CRIPT: variants seen among roughly 807,000 people sequenced by gnomAD.
CRIPT encodes cysteine-rich PDZ-binding protein.
A neutral mutation model predicts 16.6 loss-of-function variants in CRIPT; 20 were observed. The observed-to-expected ratio is 1.20, with a 90% CI of 0.85 to 1.75. The LOEUF (loss-of-function observed/expected upper bound fraction) is 1.75. Among genes scored for constraint, CRIPT ranks in the 40% most tolerant of loss-of-function variants. The pLI is 0.00. For synonymous variants in CRIPT, 42 were observed against 37.0 expected, an observed-to-expected ratio of 1.14 and a Z score of -0.49; for missense variants, 133 against 115.3, an observed-to-expected ratio of 1.15 and a Z score of -0.70.
At chr2:46,621,116 C>T (rs1046819698) in intron 3 of CRIPT, among the ~76,000 whole-genome samples, 4 of 152,172 alleles carry the variant, frequency 2.6e-5, no homozygotes, top group Non-Finnish European at 5.9e-5. Context: ...TCTAGTTTCC[C>T]GCAGTTGTCT....
intron 3 of CRIPT, among the ~76,000 whole-genome samples, chr2:46,620,321 C>T (rs780961740): frequency 7.9e-5 from 12 of 152,088 alleles, no homozygotes; most frequent in Admixed American, 4.6e-4. Context: ...GCAGCACGCG[C>T]CTGTAGTCCC....
At chr2:46,622,502 A>G (rs1670836216) in intron 3 of CRIPT, among the ~76,000 whole-genome samples, 3 of 152,116 alleles carry the variant, frequency 2.0e-5, no homozygotes, top group Non-Finnish European at 2.9e-5. Flanking sequence ...AAGAGTACCT[A>G]TCTTTTGTGG....
intron 1 of CRIPT, among the ~76,000 whole-genome samples, 166 bp downstream of exon 1, chr2:46,617,464 A>T (rs1670691350): frequency 6.6e-6 from 1 of 152,062 alleles, no homozygotes; most frequent in Non-Finnish European, 1.5e-5. Flanking sequence ...CCCAACGACC[A>T]TACAGTCCTA....
intron 3 of CRIPT, among the ~76,000 whole-genome samples, chr2:46,621,831 T>C (rs1318141213): frequency 6.6e-6 from 1 of 152,206 alleles, no homozygotes; most frequent in African/African-American, 2.4e-5. Context: ...TTGACTGACT[T>C]ATTGAGGTCT....
At chr2:46,617,822 A>G (rs1162462772) in intron 1 of CRIPT, among the ~76,000 whole-genome samples, 1 of 152,088 alleles carries the variant, frequency 6.6e-6, no homozygotes, top group Non-Finnish European at 1.5e-5. Context: ...CCTTTAATAA[A>G]TTCTCAGTGT....
chr2:46,621,438 T>C (rs1203968135), intron 3 of CRIPT, among the ~76,000 whole-genome samples: 1 of 152,162 alleles, frequency 6.6e-6, no homozygotes, highest in African/African-American at 2.4e-5. Flanking sequence ...TTCAGAGAAG[T>C]TTCCCTAATC....
chr2:46,623,203 C>T (rs1457274290), intron 3 of CRIPT, among the ~76,000 whole-genome samples: 1 of 152,070 alleles, frequency 6.6e-6, no homozygotes, highest in Non-Finnish European at 1.5e-5. Context: ...TGAAACAAAG[C>T]CTTTTGAGCA....
intron 4 of CRIPT, 35 bp from the exon 5 acceptor site, chr2:46,624,128 T>C: frequency 2.0e-6 from 3 of 1,478,610 alleles, no homozygotes; most frequent in Non-Finnish European, 2.7e-6. Flanking sequence ...GTTGGTATTA[T>C]GATTTGATTG....
rs1392148654 is a variant in CRIPT, at chr2:46,624,233, T to C, written c.*6T>C. On this transcript the variant is annotated 3_prime_UTR_variant, in exon 5 of 5. Coordinates refer to ENST00000238892, the MANE Select transcript of CRIPT (RefSeq NM_014171.6). Reference sequence around the variant, plus strand: ...ACAAGCAAACATCTGTCTAGATGTATTGATGGAATTTCTGGCTTTCTAAAT... The same window carrying C: ...ACAAGCAAACATCTGTCTAGATGTACTGATGGAATTTCTGGCTTTCTAAAT... 3.9e-6 allele frequency: 6 copies of C among 1,537,250 alleles called. No homozygotes were observed. The highest frequency in any genetic ancestry group is 1.4e-5 in the African/African-American group (1 of 72,932).
intron 4 of CRIPT, 141 bp from the exon 5 acceptor site, chr2:46,624,022 A>T: frequency 2.3e-6 from 1 of 436,594 alleles, no homozygotes; most frequent in Non-Finnish European, 3.7e-6. Flanking sequence ...TTTATAATTA[A>T]AATTATATAT....
Position 46,628,700 on chromosome 2 carries a change from C to T in CRIPT, c.*4473C>T, listed in dbSNP as rs951976318. Among the ~76,000 whole-genome samples, 3 of 152,130 alleles carry T rather than the reference C, an allele frequency of 2.0e-5. No homozygotes were observed. The highest frequency in any genetic ancestry group is 4.4e-5 in the Non-Finnish European group (3 of 68,036). On this transcript the variant is annotated 3_prime_UTR_variant, in exon 5 of 5. Coordinates refer to ENST00000238892, the MANE Select transcript of CRIPT (RefSeq NM_014171.6). The stretch of plus-strand genomic sequence containing the variant: ...TGAAGATTTTTGTTGTATTGTACCT[C>T]AGAACCATCTCCATATTCTCTAAAT...
intron 4 of CRIPT, 122 bp from the exon 5 acceptor site, chr2:46,624,041 A>ATTT (rs11333819): frequency 1.9e-5 from 7 of 374,916 alleles, no homozygotes; most frequent in African/African-American, 1.3e-4. Flanking sequence ...ATATATATAT[A>ATTT]TTTTTTTTTT....
Position 46,626,553 on chromosome 2 carries a change from T to A in CRIPT, c.*2326T>A, listed in dbSNP as rs1195574152. Among the ~76,000 whole-genome samples the A allele has an allele frequency of 1.3e-5, 2 of 152,188 alleles. No individual in the cohort carries two copies. The highest frequency in any genetic ancestry group is 4.8e-5 in the African/African-American group (2 of 41,446). ...CTGAACTAATTTGCATTTCCATCAG[T>A]GTAGGCGCATTCTACACTGCACTGG... On this transcript the variant is annotated 3_prime_UTR_variant, in exon 5 of 5. Transcript: ENST00000238892.
chr2:46,629,005 A>T lies in CRIPT; in HGVS notation c.*4778A>T, dbSNP rs538571005. ...AAGATATCAGATTGTAATATAAAAG[A>T]TACTAGAAACAAATGCCAATAGAAC... is the stretch of plus-strand genomic sequence containing the variant. On this transcript the variant is annotated 3_prime_UTR_variant, in exon 5 of 5. Transcript: ENST00000238892. Among the ~76,000 whole-genome samples the T allele has an allele frequency of 8.5e-5, 13 of 152,346 alleles. No individual in the cohort carries two copies. In the South Asian group the frequency reaches 2.5e-3, roughly 29 times the overall value.
At chr2:46,618,670 GTAATACCATTGA>G (rs1670728640) in intron 1 of CRIPT, 91 bp from the exon 2 acceptor site, 1 of 651,950 alleles carries the variant, frequency 1.5e-6, no homozygotes, top group African/African-American at 1.9e-5. Context: ...GGCTCCTACG[GTAATACCATTGA>G]TAGTCGATAC....
chr2:46,624,047 T>TTTTTC (rs1008459967), intron 4 of CRIPT, 116 bp from the exon 5 acceptor site: 34 of 472,296 alleles, frequency 7.2e-5, no homozygotes, highest in African/African-American at 6.1e-4. Context: ...ATATATTTTT[T>TTTTTC]TTTTCTTTTC....
chr2:46,617,346 A>G (rs1447032952), intron 1 of CRIPT, 48 bp downstream of exon 1: 1 of 1,545,860 alleles, frequency 6.5e-7, no homozygotes. Flanking sequence ...GGGAGAACCT[A>G]ACTGAGCTCT....
intron 3 of CRIPT, 121 bp downstream of exon 3, chr2:46,619,802 C>G: frequency 1.5e-6 from 1 of 668,868 alleles, no homozygotes; most frequent in Non-Finnish European, 2.6e-6. Context: ...TGGTTCCTAG[C>G]ACTCAGAACC....
chr2:46,623,830 A>G lies in CRIPT; in HGVS notation c.204A>G (p.Pro68=). 6.2e-7 allele frequency: 1 copy of G among 1,611,008 alleles called. No individual in the cohort carries two copies. ...CRICKSSVHQ[P]GSHYCQGCAY... ...TTTGTAAAAGTTCTGTGCACCAACC[A>G]GGTTCTCATTACTGCCAGGGCTGTG... Residue 68 remains proline, a synonymous_variant, in exon 4 of 5, where the codon CCA becomes CCG. Transcript: ENST00000238892.
Sources: allele counts gnomAD v4.1 joint callset (sites outside exome capture counted in the v4.1 genomes callset), GRCh38; gene constraint gnomAD v4.1.1; transcripts MANE v1.5; gene names NCBI Gene and HGNC (gene_info 2026-07-23, HGNC 2026-07-21).